Variants in NFKB1 observed in about 807,000 individuals in gnomAD.
The protein encoded by NFKB1 is nuclear factor NF-kappa-B p105 subunit.
Under a neutral mutation model 105.1 loss-of-function variants are expected in NFKB1, and 9 were observed. That is an observed-to-expected ratio of 0.09 (90% CI 0.05 to 0.15). NFKB1 has a LOEUF of 0.15. Ranked by LOEUF, NFKB1 falls within the 10% of genes least tolerant of loss-of-function variation. The pLI is 1.00. For synonymous variants in NFKB1, 440 were observed against 442.2 expected, an observed-to-expected ratio of 1.00 and a Z score of 0.06; for missense variants, 830 against 1,203.7, an observed-to-expected ratio of 0.69 and a Z score of 4.59.
intron 6 of NFKB1, among the ~76,000 whole-genome samples, chr4:102,568,346 G>A (rs1388475799): frequency 6.6e-6 from 1 of 152,080 alleles, no homozygotes; most frequent in African/African-American, 2.4e-5. Flanking sequence ...AAATTAAAGT[G>A]TGCTTTATAT....
chr4:102,562,492 C>T (rs1723523927), intron 5 of NFKB1, among the ~76,000 whole-genome samples: 2 of 152,078 alleles, frequency 1.3e-5, no homozygotes, highest in African/African-American at 4.8e-5. Context: ...TTTAAATACT[C>T]GCTGAATAAA....
In NFKB1 at chr4:102,616,740, C is replaced by T. The variant is rs1728978091; in HGVS notation, c.*146C>T. On this transcript the variant is annotated 3_prime_UTR_variant, in exon 24 of 24. Transcript: ENST00000226574. The stretch of plus-strand genomic sequence containing the variant: ...TCGATTTAACTCGAGACCTTTTCAA[C>T]TTGGCTTCCTTTCTTGGTTCATAAA... 1.3e-6 allele frequency: 1 copy of T among 788,152 alleles called. No homozygotes were observed. Among genetic ancestry groups the T allele is most frequent in the Non-Finnish European group, 1.9e-6 (1 of 515,012 alleles). The allele number at this position is 788,152 out of a possible 1,614,324, so 48.8% of individuals were successfully genotyped here.
chr4:102,542,869 T>C (rs1483689971), intron 5 of NFKB1, among the ~76,000 whole-genome samples: 3 of 152,326 alleles, frequency 2.0e-5, no homozygotes, highest in East Asian at 3.9e-4. Flanking sequence ...CTAACTCTTA[T>C]AGCAAAAAAT....
chr4:102,567,007 A>C lies in NFKB1; in HGVS notation c.279A>C (p.Pro93=). ...TATAGATCTGCAACTATGTGGGACC[A>C]GCAAAGGTTATTGTTCAGTTGGTCA... ...PQVKICNYVG[P]AKVIVQLVTN... Residue 93 remains proline, a synonymous_variant, in exon 6 of 24, where the codon CCA becomes CCC. Transcript: ENST00000226574. The C allele has an allele frequency of 6.2e-7, 1 of 1,614,030 alleles. No individual in the cohort carries two copies. The highest frequency in any genetic ancestry group is 1.3e-5 in the African/African-American group (1 of 75,046).
intron 1 of NFKB1, among the ~76,000 whole-genome samples, chr4:102,513,846 A>G (rs560620670): frequency 5.2e-4 from 79 of 152,180 alleles, no homozygotes; most frequent in African/African-American, 1.8e-3. Flanking sequence ...GACGTGGTCT[A>G]TCTTCGTGAA....
At chr4:102,538,458 T>C (rs1295814779) in intron 5 of NFKB1, among the ~76,000 whole-genome samples, 1 of 152,204 alleles carries the variant, frequency 6.6e-6, no homozygotes, top group African/African-American at 2.4e-5. Context: ...ATATTAATAG[T>C]ATATACTTCA....
intron 5 of NFKB1, among the ~76,000 whole-genome samples, chr4:102,542,847 A>G (rs1342628712): frequency 6.6e-6 from 1 of 152,196 alleles, no homozygotes; most frequent in East Asian, 1.9e-4. Context: ...ATTTGTCACA[A>G]TGTAGTTTGT....
intron 1 of NFKB1, chr4:102,510,944 C>A: frequency 7.8e-7 from 1 of 1,282,896 alleles, no homozygotes. Flanking sequence ...TGAAAAGAAC[C>A]ACCAGGTAAA....
chr4:102,594,347 G>C (rs1439900521), intron 12 of NFKB1, among the ~76,000 whole-genome samples: 1 of 152,060 alleles, frequency 6.6e-6, no homozygotes, highest in Non-Finnish European at 1.5e-5. Flanking sequence ...ACTTATTCCA[G>C]ATTACTTTTG....
At chr4:102,514,945 C>G (rs1211703349) in intron 1 of NFKB1, among the ~76,000 whole-genome samples, 1 of 151,944 alleles carries the variant, frequency 6.6e-6, no homozygotes, top group Admixed American at 6.6e-5. Context: ...ATATAACTAG[C>G]CCAGTGTACC....
At chr4:102,544,755 C>G (rs1722008799) in intron 5 of NFKB1, among the ~76,000 whole-genome samples, 1 of 152,160 alleles carries the variant, frequency 6.6e-6, no homozygotes, top group African/African-American at 2.4e-5. Flanking sequence ...GAAAGCTACT[C>G]ATTAGAGAAA....
chr4:102,589,166 A>G (rs182787191), intron 11 of NFKB1, among the ~76,000 whole-genome samples: 181 of 152,320 alleles, frequency 1.2e-3, no homozygotes, highest in Non-Finnish European at 1.5e-3. Flanking sequence ...AATACAGCCA[A>G]TAAATATCTC....
chr4:102,593,290 A>G (rs1726321482), intron 11 of NFKB1, 135 bp from the exon 12 acceptor site: 1 of 841,730 alleles, frequency 1.2e-6, no homozygotes, highest in East Asian at 2.5e-5. Flanking sequence ...GAAATTTACC[A>G]TCTCTTCCTC....
intron 1 of NFKB1, among the ~76,000 whole-genome samples, chr4:102,521,539 A>C (rs1286370255): frequency 6.6e-6 from 1 of 152,200 alleles, no homozygotes; most frequent in Non-Finnish European, 1.5e-5. Context: ...CATTTTAATG[A>C]GTTCGAAAAG....
intron 6 of NFKB1, among the ~76,000 whole-genome samples, chr4:102,571,326 AT>A (rs1475834437): frequency 6.6e-6 from 1 of 152,252 alleles, no homozygotes; most frequent in Non-Finnish European, 1.5e-5. Context: ...TTATACAAAA[AT>A]TAATTCAAGA....
intron 4 of NFKB1, among the ~76,000 whole-genome samples, chr4:102,535,959 T>G (rs188851873): frequency 2.0e-5 from 3 of 151,866 alleles, no homozygotes; most frequent in Admixed American, 2.0e-4. Context: ...CCACAGATTT[T>G]CCCCAGCTCT....
Position 102,612,585 on chromosome 4 carries a change from A to G in NFKB1, c.2571A>G (p.Lys857=), listed in dbSNP as rs1728526703. The G allele has an allele frequency of 6.2e-7, 1 of 1,613,780 alleles. No homozygotes were observed. Among genetic ancestry groups the G allele is most frequent in the East Asian group, 2.2e-5 (1 of 44,886 alleles). Residue 857 remains lysine (K), a synonymous_variant, in exon 22 of 24, where the codon AAA becomes AAG. Coordinates refer to ENST00000226574, the MANE Select transcript of NFKB1 (RefSeq NM_003998.4). Reference sequence around the variant, plus strand: ...TCCGGCTGAGTCCTGCTCCTTCCAAAACACTTATGGACAACTATGAGGTAA... The same window carrying G: ...TCCGGCTGAGTCCTGCTCCTTCCAAGACACTTATGGACAACTATGAGGTAA... ...NAFRLSPAPS[K]TLMDNYEVSG...
chr4:102,602,984 C>G (rs1398189881), intron 16 of NFKB1, among the ~76,000 whole-genome samples: 1 of 152,202 alleles, frequency 6.6e-6, no homozygotes, highest in Non-Finnish European at 1.5e-5. Flanking sequence ...GTCCTCTTTT[C>G]AAACCCTGCT....
At chr4:102,565,360 G>C (rs182970040) in intron 5 of NFKB1, among the ~76,000 whole-genome samples, 39 of 152,234 alleles carry the variant, frequency 2.6e-4, no homozygotes, top group African/African-American at 7.9e-4. Flanking sequence ...GACTGTAGGG[G>C]AGTCTGTCCT....
Sources: gnomAD v4.1 joint callset for allele counts (sites outside exome capture counted in the v4.1 genomes callset) on GRCh38, gnomAD v4.1.1 for gene constraint, MANE v1.5 for transcripts, NCBI Gene and HGNC (gene_info 2026-07-23, HGNC 2026-07-21) for gene names.